Variants in SHISA6 observed in about 807,000 individuals in gnomAD.
SHISA6 encodes shisa family member 6.
SHISA6 carries 22 observed loss-of-function variants against 47.9 expected under a neutral mutation model. That is an observed-to-expected ratio of 0.46 (90% CI 0.33 to 0.66). SHISA6 has a LOEUF of 0.66. SHISA6 is among the 30% of genes least tolerant of loss of function. The pLI is 0.02. For synonymous variants in SHISA6, 388 were observed against 337.8 expected, an observed-to-expected ratio of 1.15 and a Z score of -1.63; for missense variants, 680 against 764.6, an observed-to-expected ratio of 0.89 and a Z score of 1.30.
At chr17:11,492,709 G>A (rs1298920391) in intron 3 of SHISA6, among the ~76,000 whole-genome samples, 1 of 152,022 alleles carries the variant, frequency 6.6e-6, no homozygotes, top group Non-Finnish European at 1.5e-5. Context: ...GTAGGTTAAG[G>A]CAACTGCAAC....
chr17:11,277,274 T>TCA (rs1908945036), intron 2 of SHISA6, among the ~76,000 whole-genome samples: 1 of 64,694 alleles, frequency 1.5e-5, no homozygotes, highest in African/African-American at 5.1e-5. Context: ...TCTCTCTCTC[T>TCA]CTCTCTCACA....
At chr17:11,472,343 C>T (rs1915954808) in intron 3 of SHISA6, among the ~76,000 whole-genome samples, 1 of 152,118 alleles carries the variant, frequency 6.6e-6, no homozygotes. Context: ...ACTACAGGCT[C>T]ATGCCACCAC....
intron 3 of SHISA6, among the ~76,000 whole-genome samples, chr17:11,419,448 G>T (rs957076018): frequency 6.6e-6 from 1 of 151,940 alleles, no homozygotes; most frequent in Non-Finnish European, 1.5e-5. Context: ...AGGGTGTTGG[G>T]GTAATTAGAA....
chr17:11,553,212 G>GTGAAGC (rs2071946169), intron 4 of SHISA6, among the ~76,000 whole-genome samples: 1 of 152,200 alleles, frequency 6.6e-6, no homozygotes, highest in Non-Finnish European at 1.5e-5. Context: ...GAAGATGTGA[G>GTGAAGC]TGAAGCTTTG....
At chr17:11,263,603 A>T (rs1908322218) in intron 2 of SHISA6, 77 bp downstream of exon 2, 1 of 1,514,886 alleles carries the variant, frequency 6.6e-7, no homozygotes, top group African/African-American at 1.4e-5. Context: ...CTGGTGGGGC[A>T]GGTTGTGGAC....
intron 3 of SHISA6, among the ~76,000 whole-genome samples, chr17:11,435,519 C>T (rs1001389558): frequency 6.6e-6 from 1 of 152,084 alleles, no homozygotes; most frequent in Admixed American, 6.6e-5. Context: ...AAACCTGGCA[C>T]CCTGTGCAGG....
chr17:11,523,663 T>G (rs2142364759), intron 3 of SHISA6, among the ~76,000 whole-genome samples: 1 of 152,300 alleles, frequency 6.6e-6, no homozygotes, highest in South Asian at 2.1e-4. Flanking sequence ...TCCCTGATAC[T>G]TCATACAGCT....
intron 3 of SHISA6, among the ~76,000 whole-genome samples, chr17:11,427,983 T>C (rs1914650294): frequency 6.6e-6 from 1 of 152,144 alleles, no homozygotes; most frequent in Admixed American, 6.5e-5. Context: ...GTATAGATAC[T>C]CACCAGACAA....
At chr17:11,350,382 G>A (rs550644266) in intron 2 of SHISA6, among the ~76,000 whole-genome samples, 8 of 148,276 alleles carry the variant, frequency 5.4e-5, no homozygotes, top group South Asian at 2.2e-4. Flanking sequence ...GGGTTTCACC[G>A]TGTTGGCAAG....
chr17:11,505,862 A>C (rs2071494488), intron 3 of SHISA6, among the ~76,000 whole-genome samples: 1 of 152,222 alleles, frequency 6.6e-6, no homozygotes. Flanking sequence ...AAGGTAATGC[A>C]AGAGGAAATG....
intron 2 of SHISA6, chr17:11,288,636 C>T (rs1172271124): frequency 6.6e-6 from 1 of 152,012 alleles, no homozygotes; most frequent in Non-Finnish European, 1.5e-5. Flanking sequence ...GCATATATAC[C>T]TACATTTTTA....
At chr17:11,329,363 CA>C (rs2142203094) in intron 2 of SHISA6, among the ~76,000 whole-genome samples, 1 of 152,230 alleles carries the variant, frequency 6.6e-6, no homozygotes, top group South Asian at 2.1e-4. Flanking sequence ...AAATCGACAC[CA>C]AATTTGTGGA....
At position 11,561,197 on chromosome 17, in the gene SHISA6, G is replaced by A. The variant is rs2072039956; in HGVS notation, c.*2893G>A. On this transcript the variant is annotated 3_prime_UTR_variant, in exon 6 of 6. Coordinates refer to ENST00000441885, the MANE Select transcript of SHISA6 (RefSeq NM_207386.4). ...AGGCTGGTGGCCTCTACCATACATA[G>A]AAGTACCATCCACCCTTACAGTAAA... is the stretch of plus-strand genomic sequence containing the variant. The A allele has an allele frequency of 6.6e-6, 1 of 152,172 alleles. No homozygotes were observed. The highest frequency in any genetic ancestry group is 1.5e-5 in the Non-Finnish European group (1 of 68,050). 9.4% of individuals were successfully genotyped at this position (152,172 alleles called of 1,614,324 possible).
In SHISA6 at chr17:11,557,801, GA is replaced by G; in HGVS notation, c.1154del (p.Asp385AlafsTer108). On this transcript the variant is annotated frameshift_variant, in exon 6 of 6. Transcript: ENST00000441885. LOFTEE classifies it high-confidence loss of function. ...EYYMRRRHLP[D>X]LAARGTLPLN... Reference sequence around the variant, plus strand: ...TTACATGAGACGGCGGCACCTGCCCGACCTGGCTGCCCGCGGCACCCTCCCC... The same window carrying G: ...TTACATGAGACGGCGGCACCTGCCCGCCTGGCTGCCCGCGGCACCCTCCCC... 1 of 1,551,134 alleles carries G rather than the reference GA, an allele frequency of 6.4e-7. No homozygotes were observed. Among genetic ancestry groups the G allele is most frequent in the Non-Finnish European group, 8.7e-7 (1 of 1,146,852 alleles).
chr17:11,309,450 A>G (rs942243968), intron 2 of SHISA6, among the ~76,000 whole-genome samples: 7 of 152,170 alleles, frequency 4.6e-5, no homozygotes, highest in African/African-American at 1.4e-4. Flanking sequence ...TCAGTGACCA[A>G]TCTGTTGTGT....
chr17:11,388,828 ATATATATATAT>A (rs1442113146), intron 3 of SHISA6, among the ~76,000 whole-genome samples: 1 of 103,674 alleles, frequency 9.6e-6, no homozygotes, highest in African/African-American at 4.1e-5. Context: ...ATATATATAT[ATATATATATAT>A]ATTTTAAAAA....
intron 3 of SHISA6, among the ~76,000 whole-genome samples, chr17:11,521,789 C>A (rs1275804986): frequency 6.6e-6 from 1 of 152,032 alleles, no homozygotes; most frequent in Non-Finnish European, 1.5e-5. Flanking sequence ...GGTGACAGAG[C>A]AAGACCCTGT....
At chr17:11,554,481 A>G (rs914899642) in intron 4 of SHISA6, among the ~76,000 whole-genome samples, 1 of 151,910 alleles carries the variant, frequency 6.6e-6, no homozygotes, top group East Asian at 1.9e-4. Flanking sequence ...TCTGTCTCCC[A>G]CCTCTCACAC....
chr17:11,282,644 C>T (rs1280682734), intron 2 of SHISA6, among the ~76,000 whole-genome samples: 5 of 152,108 alleles, frequency 3.3e-5, no homozygotes, highest in East Asian at 1.9e-4. Flanking sequence ...TGAGAACATG[C>T]GGTATTTGGT....
Sources: gnomAD v4.1 joint callset for allele counts (sites outside exome capture counted in the v4.1 genomes callset) on GRCh38, gnomAD v4.1.1 for gene constraint, MANE v1.5 for transcripts, NCBI Gene and HGNC (gene_info 2026-07-23, HGNC 2026-07-21) for gene names.